SP140: variants seen among roughly 807,000 people sequenced by gnomAD.
The protein encoded by SP140 is SP140 nuclear body protein, also known as nuclear body protein SP140.
SP140 carries 81 observed loss-of-function variants against 125.0 expected under a neutral mutation model. The observed-to-expected ratio is 0.65, with a 90% CI of 0.54 to 0.78. SP140 has a LOEUF of 0.78. SP140 is among the 30% of genes least tolerant of loss of function. The probability of loss-of-function intolerance (pLI) is 0.00; values close to 1 mark genes in which losing one functional copy is unlikely to be tolerated. For synonymous variants in SP140, 312 were observed against 354.0 expected (o/e 0.88, Z 1.33); for missense variants, 858 against 1,037.0 (o/e 0.83, Z 2.37).
the SP140 span, among the ~76,000 whole-genome samples, chr2:230,197,565 A>G: frequency 6.1e-5 from 9 of 147,916 alleles, no homozygotes; most frequent in African/African-American, 2.2e-4. Context: ...CCATTTGTCA[A>G]TTTTGTCTTT....
rs529490729 is a variant in SP140 at position 230,255,334 on chromosome 2, G to C, written c.1160-118G>C. The C allele has an allele frequency of 8.1e-4, 932 of 1,148,152 alleles. 1 individual carries two copies. Among genetic ancestry groups the C allele is most frequent in the Non-Finnish European group, 1.1e-3 (838 of 786,250 alleles). The allele number at this position is 1,148,152 out of a possible 1,614,324, so 71.1% of individuals were successfully genotyped here. A position where few individuals can be genotyped will look rare whatever the true frequency, so the allele number is the denominator to read the frequency against. ...CAGGGCAGACCAGGAGGACCTGGGTGGGGGACAGCCCTACCTGAGAGATAC... is the reference window on the plus strand; with the variant it reads ...CAGGGCAGACCAGGAGGACCTGGGTCGGGGACAGCCCTACCTGAGAGATAC... On this transcript the variant is annotated intron_variant, in intron 11 of 26. Coordinates refer to ENST00000392045, the MANE Select transcript of SP140 (RefSeq NM_007237.5).
intron 1 of SP140, among the ~76,000 whole-genome samples, chr2:230,232,475 T>C (rs988006917): frequency 1.3e-5 from 2 of 152,238 alleles, no homozygotes; most frequent in Admixed American, 6.5e-5. Context: ...GGGTTGTTGT[T>C]GTTGTTGTGA....
Position 230,313,105 on chromosome 2 carries a change from T to G in SP140, c.*421T>G. The G allele has an allele frequency of 5.4e-6, 1 of 185,242 alleles. No individual in the cohort carries two copies. The highest frequency in any genetic ancestry group is 1.1e-5 in the Non-Finnish European group (1 of 90,450). 11.5% of individuals were successfully genotyped at this position (185,242 alleles called of 1,614,324 possible). On this transcript the variant is annotated 3_prime_UTR_variant, in exon 27 of 27. Transcript: ENST00000392045. ...GCAGAAGCCCTAAGCCCACATTCTT[T>G]CGATAGCTCACGGTGGTGCATGAGT...
chr2:230,215,157 A>C, intron 3 of SP140: 1 of 1,491,964 alleles, frequency 6.7e-7, no homozygotes, highest in Non-Finnish European at 9.3e-7. Flanking sequence ...AATGACTATA[A>C]AATTGAATGG....
chr2:230,275,409 C>T (rs368474480), intron 15 of SP140, among the ~76,000 whole-genome samples: 1 of 152,056 alleles, frequency 6.6e-6, no homozygotes, highest in African/African-American at 2.4e-5. Context: ...TATTATTATT[C>T]TTCTTCCTGT....
Position 230,298,211 on chromosome 2 carries a change from A to G in SP140, c.2058+749A>G, listed in dbSNP as rs147111885. Among the ~76,000 whole-genome samples the G allele has an allele frequency of 2.0e-4, 30 of 152,292 alleles. No homozygotes were observed. The East Asian group carries it at 5.8e-3, about 29-fold the overall frequency. On this transcript the variant is annotated intron_variant, in intron 22 of 26. Transcript: ENST00000392045. Reference sequence around the variant, plus strand: ...GCCTGCTTTGGATTCTGCCAAAATCATGGATGAGTCCCTTCTCTAAATGAA... The same window carrying G: ...GCCTGCTTTGGATTCTGCCAAAATCGTGGATGAGTCCCTTCTCTAAATGAA...
upstream of SP140, among the ~76,000 whole-genome samples, chr2:230,223,105 T>C (rs2045958776): frequency 6.6e-6 from 1 of 151,762 alleles, no homozygotes; most frequent in Non-Finnish European, 1.5e-5. Flanking sequence ...GGCGCAATCT[T>C]GGCTCACTGC....
In SP140 at chr2:230,238,345, C is replaced by T. The variant is rs1200048890; in HGVS notation, c.370C>T (p.Pro124Ser). The T allele has an allele frequency of 6.2e-7, 1 of 1,612,590 alleles. No individual in the cohort carries two copies. Among genetic ancestry groups the T allele is most frequent in the Non-Finnish European group, 8.5e-7 (1 of 1,179,640 alleles). The change falls in exon 3 of 27, where the codon CCT becomes TCT. Residue 124 changes from proline to serine, a missense_variant. By Grantham distance (74) the Pro-to-Ser change is moderately conservative (BLOSUM62 -1). Around this residue, in one of 4 missense-constraint regions of SP140, gnomAD observed 791 missense variants for 869.5 expected, o/e 0.91. Coordinates refer to ENST00000392045, the MANE Select transcript of SP140 (RefSeq NM_007237.5). Reference sequence around the variant, plus strand: ...CAGCAGGATTAACCTGATGGCCTATCCTGATTTAAACGAGATTTACAGAAG... The same window carrying T: ...CAGCAGGATTAACCTGATGGCCTATTCTGATTTAAACGAGATTTACAGAAG... Reference protein sequence around the residue: ...LFSRINLMAYPDLNEIYRSFQ... With the variant: ...LFSRINLMAYSDLNEIYRSFQ...
At position 230,307,148 on chromosome 2, in the gene SP140, A is replaced by G. The variant is rs1026364273; in HGVS notation, c.2059-2776A>G. On this transcript the variant is annotated intron_variant, in intron 22 of 26. Coordinates refer to ENST00000392045, the MANE Select transcript of SP140 (RefSeq NM_007237.5). Reference sequence around the variant, plus strand: ...GCAGAGAGAAGCCACCCACCCTAGGACCTCCTCCTCTTTGCTGAGGGCTGA... The same window carrying G: ...GCAGAGAGAAGCCACCCACCCTAGGGCCTCCTCCTCTTTGCTGAGGGCTGA... 3.3e-5 allele frequency among the ~76,000 whole-genome samples: 5 copies of G among 151,922 alleles called. No homozygotes were observed. In the South Asian group the frequency reaches 1.0e-3, roughly 32 times the overall value.
At chr2:230,292,301 C>G (rs1211976557) in intron 19 of SP140, among the ~76,000 whole-genome samples, 1 of 152,208 alleles carries the variant, frequency 6.6e-6, no homozygotes, top group African/African-American at 2.4e-5. Context: ...GGCCTGGCCT[C>G]TACTTCCAAA....
At chr2:230,281,926 C>T (rs962338394) in intron 15 of SP140, among the ~76,000 whole-genome samples, 3 of 151,994 alleles carry the variant, frequency 2.0e-5, no homozygotes, top group Non-Finnish European at 4.4e-5. Flanking sequence ...AACAAAATTG[C>T]CGGGATATAG....
chr2:230,307,990 T>TACATAC (rs2058965609), intron 22 of SP140, among the ~76,000 whole-genome samples: 5 of 52,640 alleles, frequency 9.5e-5, no homozygotes, highest in Non-Finnish European at 1.5e-4. Context: ...TATATATATA[T>TACATAC]ACACACACAC....
At chr2:230,195,471 A>G in the SP140 span, among the ~76,000 whole-genome samples, 3 of 152,138 alleles carry the variant, frequency 2.0e-5, no homozygotes, top group Non-Finnish European at 4.4e-5. Context: ...AGTAGCTGGC[A>G]TAACAGGTAT....
chr2:230,294,443 C>T lies in SP140; in HGVS notation c.2016+125C>T, dbSNP rs564813827. ...AGCTTTCACCTTCTTCACTACTCAC[C>T]TTAAAATACTTTTTGCATGTATTCC... On this transcript the variant is annotated intron_variant, in intron 21 of 26. Transcript: ENST00000392045. 4.5e-6 allele frequency: 3 copies of T among 666,144 alleles called. No individual in the cohort carries two copies. In the East Asian group the frequency reaches 8.2e-5, roughly 18 times the overall value. 41.3% of individuals were successfully genotyped at this position (666,144 alleles called of 1,614,324 possible).
intron 9 of SP140, among the ~76,000 whole-genome samples, chr2:230,249,230 G>A (rs975814207): frequency 1.6e-4 from 24 of 152,146 alleles, no homozygotes; most frequent in East Asian, 1.5e-3. Flanking sequence ...GTAGGCTGGG[G>A]CGCCAGAGAA....
At chr2:230,312,459 C>A (rs912577655) in intron 26 of SP140, 127 bp from the exon 27 acceptor site, 6 of 592,412 alleles carry the variant, frequency 1.0e-5, no homozygotes, top group African/African-American at 9.6e-5. Context: ...AAAATATATG[C>A]CATTATAAAT....
At chr2:230,212,681 A>G (rs1371243264) in intron 1 of SP140, 4 of 1,554,364 alleles carry the variant, frequency 2.6e-6, no homozygotes, top group Non-Finnish European at 2.7e-6. Context: ...ATAAAAGTCA[A>G]GATGCTGGGA....
At chr2:230,216,749 G>A in intron 3 of SP140, 1 of 1,612,584 alleles carries the variant, frequency 6.2e-7, no homozygotes. Flanking sequence ...GGTGGGGGCT[G>A]GGCTGCCATG....
At chr2:230,235,161 A>G (rs1213769092) in intron 1 of SP140, 1 of 152,208 alleles carries the variant, frequency 6.6e-6, no homozygotes, top group African/African-American at 2.4e-5. Flanking sequence ...TCTGTGTCGT[A>G]GAGCAAACTG....
Sources: allele counts gnomAD v4.1 joint callset (sites outside exome capture counted in the v4.1 genomes callset), GRCh38; gene constraint gnomAD v4.1.1; regional missense constraint gnomAD v4.1.1; transcripts MANE v1.5; gene names NCBI Gene and HGNC (gene_info 2026-07-23, HGNC 2026-07-21).